KAZN: variants seen among roughly 807,000 people sequenced by gnomAD.
KAZN encodes kazrin.
A neutral mutation model predicts 87.4 loss-of-function variants in KAZN; 40 were observed. The ratio of observed to expected loss-of-function variants is 0.46; its 90% confidence interval spans 0.36 to 0.60. KAZN has a LOEUF of 0.60. KAZN is among the 20% of genes least tolerant of loss of function. KAZN has a pLI of 0.00. For synonymous variants in KAZN, 466 were observed against 458.3 expected, an observed-to-expected ratio of 1.02 and a Z score of -0.22; for missense variants, 898 against 1,073.9, an observed-to-expected ratio of 0.84 and a Z score of 2.29.
At chr1:13,926,027 A>G (rs12752054) in intron 1 of KAZN, among the ~76,000 whole-genome samples, 5,938 of 152,080 alleles carry the variant, frequency 0.039, 147 homozygotes, top group Middle Eastern at 0.075. Context: ...TGGTTGGGGG[A>G]CAGAGCGTGA....
chr1:14,434,898 C>T (rs1273995392), intron 2 of KAZN, among the ~76,000 whole-genome samples: 1 of 152,116 alleles, frequency 6.6e-6, no homozygotes, highest in Admixed American at 6.5e-5. Flanking sequence ...CATTGTTAAA[C>T]CTCTTTATCC....
In KAZN at chr1:14,824,736, G is replaced by A. The variant is rs143527137; in HGVS notation, c.227-135948G>A. On this transcript the variant is annotated intron_variant, in intron 1 of 14. Coordinates refer to ENST00000376030, the MANE Select transcript of KAZN (RefSeq NM_201628.3). ...ATCTTCATGACAGTCACCCCCTTGA[G>A]CCTCAGTGTTGCCTCCTCTCCTATG... is the stretch of plus-strand genomic sequence containing the variant. Among the ~76,000 whole-genome samples, 74 of 152,300 alleles carry A rather than the reference G, an allele frequency of 4.9e-4. No homozygotes were observed. In the East Asian group the frequency reaches 0.013, roughly 26 times the overall value.
intron 2 of KAZN, among the ~76,000 whole-genome samples, chr1:14,544,609 C>T (rs567228506): frequency 6.6e-6 from 1 of 151,852 alleles, no homozygotes; most frequent in East Asian, 1.9e-4. Flanking sequence ...TTCTTTGTGC[C>T]AGAGGTGGTA....
intron 1 of KAZN, among the ~76,000 whole-genome samples, chr1:14,655,776 G>A (rs555647604): frequency 1.3e-5 from 2 of 152,242 alleles, no homozygotes; most frequent in Non-Finnish European, 2.9e-5. Context: ...ATGCTGCTAC[G>A]GGTCTAGGGG....
intron 1 of KAZN, among the ~76,000 whole-genome samples, chr1:13,983,219 C>A (rs969768640): frequency 6.6e-6 from 1 of 152,234 alleles, no homozygotes. Context: ...CAAGGGGTGG[C>A]GCTCGTGGAG....
At chr1:14,121,206 G>A (rs1265365712) in intron 1 of KAZN, among the ~76,000 whole-genome samples, 1 of 152,174 alleles carries the variant, frequency 6.6e-6, no homozygotes, top group Non-Finnish European at 1.5e-5. Flanking sequence ...TATGAGTATA[G>A]TATTAGCAGG....
intron 2 of KAZN, among the ~76,000 whole-genome samples, chr1:14,396,396 C>T (rs974461179): frequency 3.4e-4 from 51 of 152,132 alleles, no homozygotes; most frequent in Admixed American, 2.6e-4. Flanking sequence ...GACTATGACC[C>T]GTGGCTTAGA....
At chr1:14,077,107 G>A (rs1265707029) in intron 1 of KAZN, among the ~76,000 whole-genome samples, 3 of 152,160 alleles carry the variant, frequency 2.0e-5, no homozygotes, top group Non-Finnish European at 2.9e-5. Context: ...GGGCCACCTT[G>A]TGATTGCCAG....
chr1:14,092,594 T>TACACACAC (rs1458520309), intron 1 of KAZN, among the ~76,000 whole-genome samples: 23 of 150,552 alleles, frequency 1.5e-4, no homozygotes, highest in African/African-American at 5.5e-4. Context: ...TATATGTACA[T>TACACACAC]ATACACACAT....
intron 2 of KAZN, among the ~76,000 whole-genome samples, chr1:14,499,495 G>T (rs187838080): frequency 6.6e-6 from 1 of 152,144 alleles, no homozygotes; most frequent in Non-Finnish European, 1.5e-5. Context: ...GGCTGTGGGC[G>T]CCAGGATTGT....
chr1:15,091,634 G>T (rs1489867093), intron 8 of KAZN, among the ~76,000 whole-genome samples: 1 of 152,148 alleles, frequency 6.6e-6, no homozygotes, highest in African/African-American at 2.4e-5. Context: ...GTGAGCCACC[G>T]CACCCGGCCG....
At chr1:14,149,581 C>G (rs924088101) in intron 1 of KAZN, among the ~76,000 whole-genome samples, 5 of 152,132 alleles carry the variant, frequency 3.3e-5, no homozygotes, top group Non-Finnish European at 5.9e-5. Flanking sequence ...TGCCACACTT[C>G]CCTGGGCGTT....
chr1:14,662,576 T>C lies in KAZN; in HGVS notation c.226+63353T>C, dbSNP rs72865071. 3.4e-3 allele frequency among the ~76,000 whole-genome samples: 520 copies of C among 152,208 alleles called. 4 individuals are homozygous for C. Among genetic ancestry groups the C allele is most frequent in the African/African-American group, 0.012 (498 of 41,548 alleles). ...TTTTGGTTCTTAAAAGCTAAGTACA[T>C]TTCTGTTTTATATGATGTGATTATC... On this transcript the variant is annotated intron_variant, in intron 1 of 14. Transcript: ENST00000376030.
intron 2 of KAZN, among the ~76,000 whole-genome samples, chr1:14,435,097 T>G (rs2101409768): frequency 6.6e-6 from 1 of 152,250 alleles, no homozygotes; most frequent in Middle Eastern, 3.4e-3. Context: ...CTCCTGCCAG[T>G]GCAGGTCCCT....
chr1:14,662,207 C>T (rs1308459419), intron 1 of KAZN, among the ~76,000 whole-genome samples: 3 of 152,108 alleles, frequency 2.0e-5, no homozygotes, highest in African/African-American at 4.8e-5. Flanking sequence ...AGCCAGCGGC[C>T]GGCAGGACTG....
chr1:14,076,860 AG>A (rs890904855), intron 1 of KAZN, among the ~76,000 whole-genome samples: 63 of 152,178 alleles, frequency 4.1e-4, no homozygotes, highest in Non-Finnish European at 4.3e-4. Flanking sequence ...GAGGCACACT[AG>A]GTTCTGTAGA....
At chr1:14,955,985 G>A (rs1353111510) in intron 1 of KAZN, among the ~76,000 whole-genome samples, 1 of 152,224 alleles carries the variant, frequency 6.6e-6, no homozygotes, top group Non-Finnish European at 1.5e-5. Context: ...TTTTAATATA[G>A]GTTGGGACAT....
chr1:14,047,805 T>C (rs1642140427), intron 1 of KAZN, among the ~76,000 whole-genome samples: 1 of 150,764 alleles, frequency 6.6e-6, no homozygotes, highest in Admixed American at 6.6e-5. Flanking sequence ...GAGGTGGAGG[T>C]TGCAGTGAGC....
intron 2 of KAZN, among the ~76,000 whole-genome samples, chr1:15,025,071 A>G (rs535876868): frequency 6.6e-6 from 1 of 152,268 alleles, no homozygotes; most frequent in South Asian, 2.1e-4. Flanking sequence ...GAAAGTCACT[A>G]TTTCCTGAGC....
Sources: allele counts gnomAD v4.1 joint callset (sites outside exome capture counted in the v4.1 genomes callset), GRCh38; gene constraint gnomAD v4.1.1; transcripts MANE v1.5; gene names NCBI Gene and HGNC (gene_info 2026-07-23, HGNC 2026-07-21).